CCBE1: variants seen among roughly 807,000 people sequenced by gnomAD.
The protein encoded by CCBE1 is collagen and calcium-binding EGF domain-containing protein 1.
Under a neutral mutation model 50.0 loss-of-function variants are expected in CCBE1, and 37 were observed. That is an observed-to-expected ratio of 0.74 (90% CI 0.57 to 0.97). The LOEUF (loss-of-function observed/expected upper bound fraction) is 0.97, where lower values mean the gene tolerates loss of function less well. CCBE1 is among the 50% of genes least tolerant of loss of function. CCBE1 has a pLI of 0.00. For missense variants in CCBE1, 538 were observed against 523.8 expected, an observed-to-expected ratio of 1.03 and a Z score of -0.26; for synonymous variants, 234 against 203.7, an observed-to-expected ratio of 1.15 and a Z score of -1.27.
chr18:59,684,766 T>C (rs1364206058), intron 2 of CCBE1, among the ~76,000 whole-genome samples: 1 of 152,214 alleles, frequency 6.6e-6, no homozygotes, highest in Non-Finnish European at 1.5e-5. Flanking sequence ...GACTGCCTGG[T>C]TTAAGGTCAT....
intron 3 of CCBE1, among the ~76,000 whole-genome samples, chr18:59,472,603 C>A (rs897098456): frequency 6.6e-6 from 1 of 152,208 alleles, no homozygotes; most frequent in African/African-American, 2.4e-5. Context: ...CTCGTCTCAG[C>A]CTCCCAAAGC....
intron 2 of CCBE1, among the ~76,000 whole-genome samples, chr18:59,490,988 A>G (rs372975885): frequency 2.6e-5 from 4 of 152,310 alleles, no homozygotes; most frequent in South Asian, 2.1e-4. Context: ...ACAGCGCATG[A>G]AAGACTATTC....
intron 2 of CCBE1, among the ~76,000 whole-genome samples, chr18:59,689,671 A>G (rs1473120354): frequency 6.6e-6 from 1 of 152,228 alleles, no homozygotes; most frequent in Admixed American, 6.5e-5. Context: ...CTCTGCTTAC[A>G]GTCACTGTCG....
At chr18:59,541,160 C>T (rs1915451153) in intron 2 of CCBE1, among the ~76,000 whole-genome samples, 1 of 152,174 alleles carries the variant, frequency 6.6e-6, no homozygotes, top group Non-Finnish European at 1.5e-5. Context: ...GCAAAACACT[C>T]ACCTTTTCAT....
intron 2 of CCBE1, among the ~76,000 whole-genome samples, chr18:59,521,844 A>C (rs1338566329): frequency 6.6e-6 from 1 of 152,228 alleles, no homozygotes; most frequent in East Asian, 1.9e-4. Context: ...AGTCATACTT[A>C]TTTTCTAAAT....
intron 2 of CCBE1, among the ~76,000 whole-genome samples, chr18:59,628,927 T>A (rs1230802211): frequency 6.6e-6 from 1 of 152,180 alleles, no homozygotes; most frequent in Non-Finnish European, 1.5e-5. Context: ...CAACCATTTG[T>A]CACCTCTCCT....
chr18:59,495,281 G>A (rs1294928952), intron 2 of CCBE1, among the ~76,000 whole-genome samples: 1 of 151,480 alleles, frequency 6.6e-6, no homozygotes, highest in South Asian at 2.1e-4. Flanking sequence ...ACGTAACTGT[G>A]ATTAACATGG....
chr18:59,547,268 G>A (rs572346974), intron 2 of CCBE1, among the ~76,000 whole-genome samples: 3 of 152,172 alleles, frequency 2.0e-5, no homozygotes, highest in South Asian at 2.1e-4. Context: ...GTTATCTGAG[G>A]GGAGCAGGGA....
At chr18:59,452,960 C>T (rs191859627) in intron 6 of CCBE1, among the ~76,000 whole-genome samples, 21 of 152,274 alleles carry the variant, frequency 1.4e-4, no homozygotes, top group Admixed American at 4.6e-4. Context: ...AAGATGACCT[C>T]GTGGATTTTT....
intron 2 of CCBE1, among the ~76,000 whole-genome samples, chr18:59,681,951 G>C (rs532038050): frequency 6.6e-6 from 1 of 152,284 alleles, no homozygotes; most frequent in African/African-American, 2.4e-5. Context: ...CCTGTCAGAC[G>C]GTCAGACCTG....
chr18:59,485,607 T>TTTA, intron 2 of CCBE1, among the ~76,000 whole-genome samples: 1 of 150,494 alleles, frequency 6.6e-6, no homozygotes, highest in East Asian at 1.9e-4. Context: ...TATTTATTTA[T>TTTA]TTATTTATTT....
At chr18:59,463,264 C>G (rs1050659913) in intron 5 of CCBE1, among the ~76,000 whole-genome samples, 1 of 152,192 alleles carries the variant, frequency 6.6e-6, no homozygotes, top group African/African-American at 2.4e-5. Context: ...CCAGGGCAGA[C>G]CTTGTCACTG....
intron 2 of CCBE1, among the ~76,000 whole-genome samples, chr18:59,537,931 G>T (rs1430200492): frequency 6.6e-6 from 1 of 152,162 alleles, no homozygotes; most frequent in African/African-American, 2.4e-5. Context: ...TTTTCCAGGG[G>T]TATTATGGGG....
At chr18:59,497,479 A>G (rs1375258288) in intron 2 of CCBE1, among the ~76,000 whole-genome samples, 1 of 152,242 alleles carries the variant, frequency 6.6e-6, no homozygotes, top group Non-Finnish European at 1.5e-5. Context: ...AGAATAGAGC[A>G]GGGCCAGCTT....
intron 2 of CCBE1, among the ~76,000 whole-genome samples, chr18:59,632,778 T>C (rs1007910248): frequency 6.6e-6 from 1 of 151,456 alleles, no homozygotes; most frequent in African/African-American, 2.4e-5. Context: ...TTTGTTTTAT[T>C]TTATTTTTTT....
chr18:59,595,059 C>T (rs116460721), intron 2 of CCBE1, among the ~76,000 whole-genome samples: 6,338 of 147,106 alleles, frequency 0.043, 366 homozygotes, highest in African/African-American at 0.14. Flanking sequence ...TTGCAGTGAG[C>T]GGAGAATTTG....
intron 2 of CCBE1, among the ~76,000 whole-genome samples, chr18:59,608,711 T>C (rs954878372): frequency 2.6e-5 from 4 of 152,230 alleles, no homozygotes; most frequent in African/African-American, 9.6e-5. Flanking sequence ...AAAACGTCTC[T>C]CTTGTTCATA....
intron 2 of CCBE1, among the ~76,000 whole-genome samples, chr18:59,575,508 G>A (rs528129667): frequency 6.6e-6 from 1 of 152,154 alleles, no homozygotes; most frequent in South Asian, 2.1e-4. Context: ...TTATAGTCAG[G>A]ATTTTGATAC....
At chr18:59,573,195 G>A (rs1179151428) in intron 2 of CCBE1, among the ~76,000 whole-genome samples, 2 of 150,440 alleles carry the variant, frequency 1.3e-5, no homozygotes, top group Non-Finnish European at 3.0e-5. Context: ...TGAGGCACCA[G>A]AATCGCTTGA....
Sources: gnomAD v4.1 joint callset for allele counts (sites outside exome capture counted in the v4.1 genomes callset) on GRCh38, gnomAD v4.1.1 for gene constraint, MANE v1.5 for transcripts, NCBI Gene and HGNC (gene_info 2026-07-23, HGNC 2026-07-21) for gene names.